The following XBP1 variants were observed in gnomAD, a reference collection of about 807,000 sequenced individuals.
The protein encoded by XBP1 is X-box-binding protein 1.
In XBP1, 18 loss-of-function variants were observed where a neutral mutation model predicts 34.6. The ratio of observed to expected loss-of-function variants is 0.52; its 90% CI spans 0.36 to 0.77. The LOEUF (loss-of-function observed/expected upper bound fraction) is 0.77, where lower values mean the gene tolerates loss of function less well. Among genes scored for constraint, XBP1 ranks in the 30% least tolerant of loss-of-function variants. The probability of loss-of-function intolerance (pLI) is 0.00; values close to 1 mark genes in which losing one functional copy is unlikely to be tolerated. For synonymous variants in XBP1, 191 were observed against 193.4 expected, an observed-to-expected ratio of 0.99 and a Z score of 0.11; for missense variants, 422 against 464.6, an observed-to-expected ratio of 0.91 and a Z score of 0.84.
intron 2 of XBP1, 102 bp from the exon 3 acceptor site, chr22:28,797,307 G>A (rs1346596691): frequency 2.9e-6 from 4 of 1,368,254 alleles, no homozygotes; most frequent in Non-Finnish European, 4.0e-6. Context: ...TGAACTTTTG[G>A]AAAACTCTAT....
At chr22:28,797,046 CAT>C (rs1569204420) in intron 3 of XBP1, 29 bp downstream of exon 3, 13 of 1,593,304 alleles carry the variant, frequency 8.2e-6, no homozygotes, top group Non-Finnish European at 1.1e-5. Flanking sequence ...CCAGTACTCA[CAT>C]GAGGCACCAA....
chr22:28,795,390 C>T (rs1296711125), exon 6 of XBP1: 7 of 1,556,354 alleles, frequency 4.5e-6, no homozygotes, highest in Non-Finnish European at 6.1e-6. Flanking sequence ...TCATCTTCTA[C>T]AGGTTCTTCC....
intron 2 of XBP1, among the ~76,000 whole-genome samples, chr22:28,797,645 G>A (rs545202766): frequency 4.8e-4 from 73 of 152,076 alleles, no homozygotes; most frequent in African/African-American, 1.7e-3. Flanking sequence ...AGCTGGATGT[G>A]GTGAGGGGTG....
chr22:28,795,919 TTGA>T, intron 5 of XBP1, 125 bp downstream of exon 5: 1 of 1,334,020 alleles, frequency 7.5e-7, no homozygotes, highest in Non-Finnish European at 1.0e-6. Flanking sequence ...AGGAAGGTAG[TTGA>T]TGTTCACCTC....
At chr22:28,796,539 AAATT>A in intron 3 of XBP1, 1 of 197,258 alleles carries the variant, frequency 5.1e-6, no homozygotes, top group Admixed American at 5.3e-5. Flanking sequence ...AGTTTTCTTG[AAATT>A]TGTCCTGAAC....
At position 28,798,302 on chromosome 22, in the gene XBP1, C is replaced by CT. The variant is rs71316865; in HGVS notation, c.324+754dup. On this transcript the variant is annotated intron_variant, in intron 2 of 5. Transcript: ENST00000344347. The stretch of plus-strand genomic sequence containing the variant: ...AACTCTCTGTCCTAACTTAGATTAA[C>CT]TTTTTTTTTTTTTTTGAGACAGGGT... Among the ~76,000 whole-genome samples, 917 of 123,328 alleles carry CT rather than the reference C, an allele frequency of 7.4e-3. 38 individuals are homozygous for CT. The highest frequency in any genetic ancestry group is 0.025 in the African/African-American group (761 of 30,238). 80.9% of individuals were successfully genotyped at this position (123,328 alleles called of 152,430 possible). A position where few individuals can be genotyped will look rare whatever the true frequency, so the allele number is the denominator to read the frequency against.
chr22:28,797,112 C>A, exon 3 of XBP1: 1 of 1,612,334 alleles, frequency 6.2e-7, no homozygotes, highest in Non-Finnish European at 8.5e-7. Flanking sequence ...ACCAGGGCAT[C>A]CATCCCCAAG....
chr22:28,800,121 C>A (rs1003514456), intron 1 of XBP1, 177 bp downstream of exon 1: 15 of 749,484 alleles, frequency 2.0e-5, no homozygotes, highest in African/African-American at 3.6e-5. Context: ...CGTGGCGGAT[C>A]CGGTCAGTCC....
rs374177881 is a variant in XBP1 at position 28,797,051 on chromosome 22, G to A, written c.453+26C>T. The A allele has an allele frequency of 2.1e-5, 33 of 1,594,252 alleles. No individual in the cohort carries two copies. The African/African-American group carries it at 4.1e-4, about 20-fold the overall frequency. ...TCACTTGGAACCAGTACTCACATGA[G>A]GCACCAAATAAAGGAGATGATTTAC... On this transcript the variant is annotated intron_variant, in intron 3 of 5. Transcript: ENST00000344347.
intron 2 of XBP1, among the ~76,000 whole-genome samples, chr22:28,798,540 C>G (rs533058338): frequency 6.6e-6 from 1 of 151,734 alleles, no homozygotes; most frequent in Non-Finnish European, 1.5e-5. Context: ...AACTCCTGAT[C>G]TCAAGTTATC....
chr22:28,795,208 G>A (rs2031722734), exon 6 of XBP1: 1 of 1,528,150 alleles, frequency 6.5e-7, no homozygotes. Flanking sequence ...AGAGTTCATT[G>A]GCAAAAGTGT....
At chr22:28,799,222 T>C in intron 1 of XBP1, 69 bp from the exon 2 acceptor site, 1 of 1,209,718 alleles carries the variant, frequency 8.3e-7, no homozygotes, top group Non-Finnish European at 1.2e-6. Context: ...TTGAAAACTT[T>C]ACCAGCTGGT....
Position 28,800,512 on chromosome 22 carries a change from C to T in XBP1, c.13G>A (p.Ala5Thr), listed in dbSNP as rs1373836728. ...CCGTCGGCCGGGTTCGGCGCGGCTGCCACCACCACCATAGCTCCAGACTAC... is the reference window on the plus strand; with the variant it reads ...CCGTCGGCCGGGTTCGGCGCGGCTGTCACCACCACCATAGCTCCAGACTAC... The change falls in exon 1 of 6, where the codon GCA (alanine) becomes ACA (threonine). Residue 5 changes from alanine to threonine, a missense_variant. By Grantham distance (58) the Ala-to-Thr change is moderately conservative. Coordinates refer to ENST00000344347, the Ensembl canonical transcript of XBP1. The T allele has an allele frequency of 6.7e-7, 1 of 1,489,444 alleles. No individual in the cohort carries two copies. The highest frequency in any genetic ancestry group is 8.9e-7 in the Non-Finnish European group (1 of 1,128,892). The allele number at this position is 1,489,444 out of a possible 1,614,324, so 92.3% of individuals were successfully genotyped here. A position where few individuals can be genotyped will look rare whatever the true frequency, so the allele number is the denominator to read the frequency against.
chr22:28,798,296 GATT>G (rs1247576514), intron 2 of XBP1, among the ~76,000 whole-genome samples: 1 of 97,482 alleles, frequency 1.0e-5, no homozygotes, highest in East Asian at 5.5e-4. Context: ...TCCTAACTTA[GATT>G]AACTTTTTTT....
intron 1 of XBP1, among the ~76,000 whole-genome samples, chr22:28,799,493 C>T (rs1447105635): frequency 6.6e-6 from 1 of 152,150 alleles, no homozygotes; most frequent in East Asian, 1.9e-4. Flanking sequence ...TTCCTGTCTC[C>T]AGTTCTCTTA....
At chr22:28,799,942 C>T in intron 1 of XBP1, 1 of 778,586 alleles carries the variant, frequency 1.3e-6, no homozygotes. Context: ...AGCAGTAAAC[C>T]AAAACAGATT....
At chr22:28,800,538 G>T (rs2269575), upstream of XBP1, 1 of 1,475,480 alleles carries the variant, frequency 6.8e-7, no homozygotes, top group East Asian at 2.9e-5. Context: ...TCCAGACTAC[G>T]CACCGCGCAC....
intron 3 of XBP1, 116 bp from the exon 4 acceptor site, chr22:28,796,308 T>C (rs1282135949): frequency 1.0e-6 from 1 of 997,594 alleles, no homozygotes; most frequent in South Asian, 1.9e-5. Context: ...TAGGGTTAAA[T>C]TGCTATAGAA....
At chr22:28,799,634 C>T (rs1014348753) in intron 1 of XBP1, among the ~76,000 whole-genome samples, 1 of 152,146 alleles carries the variant, frequency 6.6e-6, no homozygotes, top group African/African-American at 2.4e-5. Context: ...GTGTTGAGAT[C>T]CTAGGCAGTG....
Sources: gnomAD v4.1 joint callset for allele counts (sites outside exome capture counted in the v4.1 genomes callset) on GRCh38, gnomAD v4.1.1 for gene constraint, MANE v1.5 for transcripts, NCBI Gene and HGNC (gene_info 2026-07-23, HGNC 2026-07-21) for gene names.